MAD1L1: variants seen among roughly 807,000 people sequenced by gnomAD.
MAD1L1 encodes the protein mitotic arrest deficient 1 like 1.
In MAD1L1, 95 loss-of-function variants were observed where a neutral mutation model predicts 96.9. The observed-to-expected ratio is 0.98, with a 90% CI of 0.83 to 1.16. MAD1L1 has a LOEUF of 1.16. Ranked by LOEUF, MAD1L1 falls within the 50% of genes most tolerant of loss-of-function variation. The probability of loss-of-function intolerance (pLI) is 0.00; values close to 1 mark genes in which losing one functional copy is unlikely to be tolerated. For synonymous variants in MAD1L1, 473 were observed against 396.6 expected (o/e 1.19, Z -2.29); for missense variants, 1,007 against 954.4 (o/e 1.06, Z -0.73).
chr7:1,896,812 T>C (rs1786904267), intron 18 of MAD1L1, among the ~76,000 whole-genome samples: 1 of 152,254 alleles, frequency 6.6e-6, no homozygotes, highest in African/African-American at 2.4e-5. Context: ...AATTTGTAAA[T>C]GTTGATGTAA....
At chr7:2,173,465 C>T (rs964233816) in intron 10 of MAD1L1, among the ~76,000 whole-genome samples, 4 of 152,358 alleles carry the variant, frequency 2.6e-5, no homozygotes, top group Non-Finnish European at 5.9e-5. Context: ...TGCTTCCCCT[C>T]AAGCTAACAG....
chr7:2,075,110 G>A (rs983317965), intron 11 of MAD1L1, among the ~76,000 whole-genome samples: 16 of 152,302 alleles, frequency 1.1e-4, no homozygotes, highest in Non-Finnish European at 1.6e-4. Context: ...CCGGCGTCTC[G>A]AGAGGAGGGG....
chr7:1,902,863 C>A (rs10950429), intron 17 of MAD1L1, among the ~76,000 whole-genome samples: 90,328 of 144,348 alleles, frequency 0.63, 27,317 homozygotes, highest in South Asian at 0.73. Flanking sequence ...TCTTGCGGAA[C>A]TCATGATTGA....
intron 17 of MAD1L1, among the ~76,000 whole-genome samples, chr7:1,920,615 G>C (rs377323029): frequency 6.6e-6 from 1 of 152,220 alleles, no homozygotes; most frequent in African/African-American, 2.4e-5. Context: ...CCAGATGGAA[G>C]GAGTAAGACC....
chr7:1,929,710 G>A (rs1317407341), intron 17 of MAD1L1, among the ~76,000 whole-genome samples: 4 of 148,412 alleles, frequency 2.7e-5, no homozygotes, highest in Non-Finnish European at 6.0e-5. Context: ...CCGCTGCCAC[G>A]TCCCCTCGCC....
At chr7:2,005,971 G>C (rs1028072227) in intron 13 of MAD1L1, among the ~76,000 whole-genome samples, 22 of 152,162 alleles carry the variant, frequency 1.4e-4, no homozygotes, top group Non-Finnish European at 2.9e-5. Context: ...AGCACGCAGA[G>C]GGGCCGGAAT....
At chr7:1,950,641 C>T (rs1779448912) in intron 16 of MAD1L1, among the ~76,000 whole-genome samples, 2 of 152,220 alleles carry the variant, frequency 1.3e-5, no homozygotes, top group South Asian at 4.1e-4. Flanking sequence ...TGTCTGCCCC[C>T]AGCTGCAGCT....
At chr7:2,018,338 C>G (rs73277192) in intron 12 of MAD1L1, among the ~76,000 whole-genome samples, 10,640 of 152,276 alleles carry the variant, frequency 0.07, 1,210 homozygotes, top group African/African-American at 0.24. Flanking sequence ...ACCAGGCACA[C>G]GGAACCCGCA....
intron 14 of MAD1L1, among the ~76,000 whole-genome samples, chr7:1,985,377 A>G (rs1368958845): frequency 6.6e-6 from 1 of 152,258 alleles, no homozygotes; most frequent in Non-Finnish European, 1.5e-5. Flanking sequence ...GACTGGGCAC[A>G]GCACAGGCTC....
chr7:1,941,024 A>ACCCTCCTCTTCCTC (rs1778971501), intron 16 of MAD1L1, among the ~76,000 whole-genome samples: 1 of 24,398 alleles, frequency 4.1e-5, no homozygotes, highest in Non-Finnish European at 1.1e-4. Flanking sequence ...CCCAGGCTTC[A>ACCCTCCTCTTCCTC]ACACCGCGGA....
chr7:1,924,146 A>G (rs1465973443), intron 17 of MAD1L1, among the ~76,000 whole-genome samples: 1 of 152,240 alleles, frequency 6.6e-6, no homozygotes, highest in Non-Finnish European at 1.5e-5. Context: ...GTGAGATTTT[A>G]AAGACGCTCC....
intron 18 of MAD1L1, among the ~76,000 whole-genome samples, chr7:1,843,365 C>G (rs543843341): frequency 6.6e-6 from 1 of 152,292 alleles, no homozygotes; most frequent in South Asian, 2.1e-4. Context: ...CGCAGACGTC[C>G]CTCACGGCCA....
chr7:2,129,281 C>T (rs968822461), intron 11 of MAD1L1, among the ~76,000 whole-genome samples: 3 of 152,350 alleles, frequency 2.0e-5, no homozygotes, highest in African/African-American at 4.8e-5. Context: ...AAGAACAAGA[C>T]GCCTGGAAGA....
chr7:2,131,040 C>T (rs1788486366), intron 11 of MAD1L1, among the ~76,000 whole-genome samples: 1 of 152,200 alleles, frequency 6.6e-6, no homozygotes, highest in South Asian at 2.1e-4. Context: ...TCCCTGGTGG[C>T]CGTCCTGGAA....
intron 16 of MAD1L1, among the ~76,000 whole-genome samples, chr7:1,938,664 TCCCAAAAAGACA>T (rs1778740975): frequency 6.6e-6 from 1 of 151,798 alleles, no homozygotes; most frequent in African/African-American, 2.4e-5. Context: ...AGCAGACACT[TCCCAAAAAGACA>T]CCCAAAAAGC....
At chr7:1,886,460 C>A (rs1786035805) in intron 18 of MAD1L1, among the ~76,000 whole-genome samples, 1 of 152,238 alleles carries the variant, frequency 6.6e-6, no homozygotes, top group African/African-American at 2.4e-5. Context: ...AGCTAGACAG[C>A]AGGTCCTCGA....
intron 18 of MAD1L1, among the ~76,000 whole-genome samples, chr7:1,880,784 A>G (rs1785638411): frequency 6.6e-6 from 1 of 152,150 alleles, no homozygotes; most frequent in Non-Finnish European, 1.5e-5. Flanking sequence ...GGAGGCAGGG[A>G]TCTCACTGCT....
chr7:2,125,065 C>T (rs1365159916), intron 11 of MAD1L1, among the ~76,000 whole-genome samples: 1 of 152,168 alleles, frequency 6.6e-6, no homozygotes, highest in Admixed American at 6.5e-5. Context: ...ACTAAGGATC[C>T]GGTCCTCACA....
intron 10 of MAD1L1, among the ~76,000 whole-genome samples, chr7:2,170,452 G>A (rs996747603): frequency 2.0e-5 from 3 of 152,184 alleles, no homozygotes; most frequent in Admixed American, 2.0e-4. Context: ...ACTCATGTTC[G>A]GTGTGGCTGG....
Sources: gnomAD v4.1 joint callset for allele counts (sites outside exome capture counted in the v4.1 genomes callset) on GRCh38, gnomAD v4.1.1 for gene constraint, MANE v1.5 for transcripts, NCBI Gene and HGNC (gene_info 2026-07-23, HGNC 2026-07-21) for gene names.